UNC45B: variants seen among roughly 807,000 people sequenced by gnomAD.
The protein encoded by UNC45B is protein unc-45 homolog B.
A neutral mutation model predicts 98.7 loss-of-function variants in UNC45B; 78 were observed. That is an observed-to-expected ratio of 0.79 (90% CI 0.66 to 0.95). The LOEUF (loss-of-function observed/expected upper bound fraction) is 0.95. UNC45B is among the 40% of genes least tolerant of loss of function. The pLI is 0.00. For synonymous variants in UNC45B, 462 were observed against 480.4 expected, an observed-to-expected ratio of 0.96 and a Z score of 0.50; for missense variants, 1,225 against 1,184.9, an observed-to-expected ratio of 1.03 and a Z score of -0.50.
chr17:35,175,075 GA>G (rs925172163), intron 14 of UNC45B, among the ~76,000 whole-genome samples: 196 of 115,064 alleles, frequency 1.7e-3, no homozygotes, highest in Non-Finnish European at 2.8e-3. Context: ...AAGAAAGAAA[GA>G]AAGAAAGAAA....
At chr17:35,164,438 T>A in intron 9 of UNC45B, 1 of 280,154 alleles carries the variant, frequency 3.6e-6, no homozygotes, top group Non-Finnish European at 6.7e-6. Flanking sequence ...GGCACACTGG[T>A]GCTGGCTGTT....
intron 18 of UNC45B, 22 bp downstream of exon 18, chr17:35,180,698 G>A (rs760108165): frequency 6.2e-7 from 1 of 1,600,412 alleles, no homozygotes; most frequent in Admixed American, 1.7e-5. Flanking sequence ...GCTCAGGATG[G>A]AGACCCGGGC....
At position 35,158,834 on chromosome 17, in the gene UNC45B, T is replaced by C. The variant is rs575075737; in HGVS notation, c.809-541T>C. 2.0e-5 allele frequency among the ~76,000 whole-genome samples: 3 copies of C among 152,300 alleles called. No homozygotes were observed. The South Asian group carries it at 6.2e-4, about 32-fold the overall frequency. ...TTGGTTTGCCTGCCTTTGGGCTCCA[T>C]CCTAGAATGAGAACAAAAATCTCTA... On this transcript the variant is annotated intron_variant, in intron 7 of 19. Transcript: ENST00000394570.
At chr17:35,156,062 A>G (rs545374141) in intron 7 of UNC45B, among the ~76,000 whole-genome samples, 2 of 152,356 alleles carry the variant, frequency 1.3e-5, no homozygotes, top group East Asian at 3.9e-4. Context: ...GTCAATGAAC[A>G]TTAGGACATT....
rs1452319031 is a variant in UNC45B, at chr17:35,188,170, TG to T, written c.*1612del. 4 of 152,274 alleles carry T rather than the reference TG, an allele frequency of 2.6e-5. No homozygotes were observed. Among genetic ancestry groups the T allele is most frequent in the African/African-American group, 9.6e-5 (4 of 41,474 alleles). The allele number at this position is 152,274 out of a possible 1,614,324, so 9.4% of individuals were successfully genotyped here. ...ATTTTAACTAACTCTTGCATGGGCT[TG>T]TTTCACAGCAGGAAACTATATTCAT... is the stretch of plus-strand genomic sequence containing the variant. On this transcript the variant is annotated 3_prime_UTR_variant, in exon 20 of 20. Coordinates refer to ENST00000394570, the MANE Select transcript of UNC45B (RefSeq NM_001267052.2).
chr17:35,148,008 G>T, intron 1 of UNC45B, 98 bp downstream of exon 1: 1 of 498,222 alleles, frequency 2.0e-6, no homozygotes, highest in South Asian at 2.5e-5. Context: ...AAACTAAGCA[G>T]CTTCGCCTGC....
chr17:35,165,268 CT>C (rs748238181), intron 9 of UNC45B, among the ~76,000 whole-genome samples: 6 of 152,212 alleles, frequency 3.9e-5, no homozygotes, highest in Non-Finnish European at 7.3e-5. Context: ...ACTCATGTGG[CT>C]TTGCAGAGCT....
chr17:35,151,676 C>G (rs1055773049), intron 4 of UNC45B, among the ~76,000 whole-genome samples: 3 of 152,222 alleles, frequency 2.0e-5, no homozygotes, highest in African/African-American at 7.2e-5. Flanking sequence ...TTCTACACAT[C>G]TGGAGAAGCC....
chr17:35,186,123 T>G (rs945576996), intron 19 of UNC45B, among the ~76,000 whole-genome samples, 176 bp from the exon 20 acceptor site: 1 of 152,224 alleles, frequency 6.6e-6, no homozygotes, highest in African/African-American at 2.4e-5. Context: ...AAGAACTCAC[T>G]GCTGCAAGAA....
intron 9 of UNC45B, among the ~76,000 whole-genome samples, chr17:35,166,086 T>TAAAAAAAAAAAAAAAAAAAAAAAAAA (rs55844448): frequency 6.4e-4 from 37 of 58,108 alleles, no homozygotes; most frequent in Non-Finnish European, 8.5e-4. Flanking sequence ...CCCTCATCTC[T>TAAAAAAAAAAAAAAAAAAAAAAAAAA]AAAAAAAAAA....
At chr17:35,182,343 C>T (rs1269315532) in intron 18 of UNC45B, among the ~76,000 whole-genome samples, 2 of 151,910 alleles carry the variant, frequency 1.3e-5, no homozygotes, top group African/African-American at 2.4e-5. Context: ...CCTGCCTTGG[C>T]CTCCCAAAGT....
Position 35,159,538 on chromosome 17 carries a change from G to A in UNC45B, c.972G>A (p.Val324=), listed in dbSNP as rs1190665200. The A allele has an allele frequency of 6.2e-7, 1 of 1,613,286 alleles. No individual in the cohort carries two copies. The highest frequency in any genetic ancestry group is 8.5e-7 in the Non-Finnish European group (1 of 1,179,476). Residue 324 remains valine (V), a synonymous_variant, in exon 8 of 20, where the codon GTG becomes GTA. Transcript: ENST00000394570. ...ACAACTCACGTACCATCTATGTGGTGGATAATGGTGAGAAGAGGGGAAGGT... is the reference window on the plus strand; with the variant it reads ...ACAACTCACGTACCATCTATGTGGTAGATAATGGTGAGAAGAGGGGAAGGT... The part of the protein sequence containing the change: ...IHDNSRTIYV[V]DNGLRKILKV...
chr17:35,167,312 G>T (rs1393888156), intron 9 of UNC45B, among the ~76,000 whole-genome samples: 1 of 152,200 alleles, frequency 6.6e-6, no homozygotes, highest in Admixed American at 6.5e-5. Context: ...CCTTCCCAGG[G>T]AAGCCAGTAT....
Position 35,154,734 on chromosome 17 carries a change from A to G in UNC45B, c.632A>G (p.Gln211Arg). 4 of 1,583,254 alleles carry G rather than the reference A, an allele frequency of 2.5e-6. No individual in the cohort carries two copies. The highest frequency in any genetic ancestry group is 3.4e-6 in the Non-Finnish European group (4 of 1,168,922). ...CTGTCGGGCATGTGCAGCGGCCACC[A>G]AGCCAGAGTAAGTGCCCGGCTGTGG... ...RTLSGMCSGH[Q>R]ARATVILHAV... The change falls in exon 6 of 20, where the codon CAA becomes CGA. Residue 211 changes from glutamine to arginine, a missense_variant. Gln to Arg is a conservative substitution (Grantham distance 43). Transcript: ENST00000394570.
At chr17:35,170,553 AAG>A (rs2092177717) in intron 12 of UNC45B, among the ~76,000 whole-genome samples, 1 of 148,850 alleles carries the variant, frequency 6.7e-6, no homozygotes, top group African/African-American at 2.5e-5. Flanking sequence ...AAAAAAAAAA[AAG>A]CAGGGCATCG....
intron 7 of UNC45B, among the ~76,000 whole-genome samples, chr17:35,159,056 C>T (rs1228592027): frequency 6.6e-6 from 1 of 152,104 alleles, no homozygotes; most frequent in Admixed American, 6.6e-5. Flanking sequence ...TATTAGAAAC[C>T]ACATAAAGCA....
intron 9 of UNC45B, among the ~76,000 whole-genome samples, chr17:35,165,184 C>T (rs1344102484): frequency 6.6e-6 from 1 of 152,184 alleles, no homozygotes; most frequent in East Asian, 1.9e-4. Flanking sequence ...TTTATACCTA[C>T]CACTGGCTTC....
chr17:35,162,442 T>C (rs1034644943), intron 8 of UNC45B, among the ~76,000 whole-genome samples: 1 of 152,228 alleles, frequency 6.6e-6, no homozygotes, highest in Non-Finnish European at 1.5e-5. Context: ...CAAAATTTAC[T>C]GCCAGGCGCT....
intron 8 of UNC45B, among the ~76,000 whole-genome samples, chr17:35,160,970 T>G (rs1410713583): frequency 6.6e-6 from 1 of 152,254 alleles, no homozygotes; most frequent in Non-Finnish European, 1.5e-5. Flanking sequence ...GATATTGCAC[T>G]TCCCTTGTTT....
Sources: allele counts gnomAD v4.1 joint callset (sites outside exome capture counted in the v4.1 genomes callset), GRCh38; gene constraint gnomAD v4.1.1; transcripts MANE v1.5; gene names NCBI Gene and HGNC (gene_info 2026-07-23, HGNC 2026-07-21).